GEMIN5: variants seen among roughly 807,000 people sequenced by gnomAD.
GEMIN5 encodes the protein gem-associated protein 5.
GEMIN5 carries 124 observed loss-of-function variants against 176.9 expected under a neutral mutation model. That is an observed-to-expected ratio of 0.70 (90% CI 0.61 to 0.81). The LOEUF (loss-of-function observed/expected upper bound fraction) is 0.81, where lower values mean the gene tolerates loss of function less well. Ranked by LOEUF, GEMIN5 falls within the 40% of genes least tolerant of loss-of-function variation. The pLI is 0.00. For synonymous variants in GEMIN5, 673 were observed against 665.2 expected (o/e 1.01, Z -0.18); for missense variants, 1,843 against 1,814.6 (o/e 1.02, Z -0.28).
chr5:154,906,622 G>A (rs756675507), intron 16 of GEMIN5, among the ~76,000 whole-genome samples: 3 of 152,108 alleles, frequency 2.0e-5, no homozygotes, highest in Non-Finnish European at 4.4e-5. Context: ...TGTTGCCCAG[G>A]CTGGCCTCAA....
chr5:154,903,017 T>C (rs1054795066), intron 19 of GEMIN5, 63 bp downstream of exon 19: 3 of 1,050,198 alleles, frequency 2.9e-6, no homozygotes, highest in Admixed American at 4.0e-5. Flanking sequence ...ATCAAAGAGG[T>C]GCACACAAAA....
intron 22 of GEMIN5, 31 bp from the exon 23 acceptor site, chr5:154,898,681 GTC>G: frequency 6.8e-7 from 1 of 1,475,344 alleles, no homozygotes; most frequent in Non-Finnish European, 9.5e-7. Context: ...TGAAGAAAAT[GTC>G]ACAAACAGAT....
In GEMIN5 at chr5:154,920,110, G is replaced by A; in HGVS notation, c.1463-7C>T. 1 of 1,603,942 alleles carries A rather than the reference G, an allele frequency of 6.2e-7. No homozygotes were observed. Among genetic ancestry groups the A allele is most frequent in the South Asian group, 1.1e-5 (1 of 89,130 alleles). On this transcript the variant is annotated splice_region_variant and splice_polypyrimidine_tract_variant and intron_variant, in intron 10 of 27. Transcript: ENST00000285873. ...GGTCTGTCTCCTTCTCCTCCTGTAT[G>A]AAATAAGAAAAGAAACTTATCAGTT...
Position 154,891,688 on chromosome 5 carries a change from G to A in GEMIN5, c.3815C>T (p.Ala1272Val), listed in dbSNP as rs1763231166. 1.2e-6 allele frequency: 2 copies of A among 1,611,184 alleles called. No individual in the cohort carries two copies. ...LGDHQSPATP[A>V]FKSLEAFFLY... The stretch of plus-strand genomic sequence containing the variant: ...AAAAAAGGCCTCCAAACTTTTGAAA[G>A]CTGGTGTGGCAGGGGATTGATGGTC... Residue 1272 changes from alanine to valine, a missense_variant, in exon 26 of 28, where the codon GCT becomes GTT. Transcript: ENST00000285873.
chr5:154,927,300 G>C (rs1764061654), intron 7 of GEMIN5, 85 bp downstream of exon 7: 1 of 789,914 alleles, frequency 1.3e-6, no homozygotes, highest in African/African-American at 1.7e-5. Context: ...ATTACGACTT[G>C]ACAGGTGCTT....
chr5:154,924,597 G>A, intron 8 of GEMIN5, 43 bp from the exon 9 acceptor site: 1 of 1,204,174 alleles, frequency 8.3e-7, no homozygotes, highest in Middle Eastern at 1.9e-4. Context: ...AAGAAGTGGG[G>A]CATATAGTTA....
At chr5:154,891,763 T>G in intron 25 of GEMIN5, 21 bp from the exon 26 acceptor site, 1 of 1,553,564 alleles carries the variant, frequency 6.4e-7, no homozygotes, top group East Asian at 2.2e-5. Context: ...AGGAAAAAGA[T>G]ACTGGGTCAT....
chr5:154,938,064 G>C lies in GEMIN5; in HGVS notation c.70C>G (p.Pro24Ala). 1.3e-6 allele frequency: 2 copies of C among 1,526,392 alleles called. No homozygotes were observed. The highest frequency in any genetic ancestry group is 1.8e-6 in the Non-Finnish European group (2 of 1,140,812). 94.6% of individuals were successfully genotyped at this position (1,526,392 alleles called of 1,614,324 possible). A position where few individuals can be genotyped will look rare whatever the true frequency, so the allele number is the denominator to read the frequency against. ...WYCARCSDAVPGGLFGFAART... is the reference protein window; with the variant it reads ...WYCARCSDAVAGGLFGFAART... ...GCGGCGAAGCCAAAGAGGCCCCCGGGCACGGCATCGCTGCAGCGGGCGCAG... is the reference window on the plus strand; with the variant it reads ...GCGGCGAAGCCAAAGAGGCCCCCGGCCACGGCATCGCTGCAGCGGGCGCAG... The change falls in exon 1 of 28, where the codon CCC becomes GCC. Residue 24 changes from proline (P) to alanine (A), a missense_variant. Transcript: ENST00000285873.
chr5:154,912,983 C>A lies in GEMIN5; in HGVS notation c.1911G>T (p.Gly637=), dbSNP rs1451257500. ...TITEPYRTLS[G]HTAKITSVAW... is the part of the protein sequence containing the mutation. ...CCACACTGGTAATCTTGGCCGTATG[C>A]CCTGAGAGGGTCCGGTAGGGCTCTG... The change falls in exon 14 of 28, where the codon GGG becomes GGT. Residue 637 remains glycine, a synonymous_variant. Coordinates refer to ENST00000285873, the MANE Select transcript of GEMIN5 (RefSeq NM_015465.5). 9.9e-6 allele frequency: 16 copies of A among 1,613,708 alleles called. No individual in the cohort carries two copies. Among genetic ancestry groups the A allele is most frequent in the Non-Finnish European group, 1.4e-5 (16 of 1,179,750 alleles).
At chr5:154,937,867 C>G in intron 1 of GEMIN5, 101 bp downstream of exon 1, 1 of 1,077,900 alleles carries the variant, frequency 9.3e-7, no homozygotes, top group Non-Finnish European at 1.3e-6. Flanking sequence ...GCCTGGGCCT[C>G]AGTTTCCCTA....
At chr5:154,907,378 T>C (rs1582659692) in intron 16 of GEMIN5, among the ~76,000 whole-genome samples, 1 of 152,066 alleles carries the variant, frequency 6.6e-6, no homozygotes, top group East Asian at 1.9e-4. Flanking sequence ...TGTAGAACTT[T>C]ACTATTTCCA....
At chr5:154,911,614 C>T in intron 15 of GEMIN5, 113 bp downstream of exon 15, 2 of 854,486 alleles carry the variant, frequency 2.3e-6, no homozygotes, top group Admixed American at 2.5e-5. Context: ...GCTCAGACCC[C>T]TGCCCTACTG....
rs1196046696 is a variant in GEMIN5 at position 154,891,250 on chromosome 5, T to C, written c.4253A>G (p.Gln1418Arg). The C allele has an allele frequency of 2.5e-6, 4 of 1,613,000 alleles. No homozygotes were observed. Among genetic ancestry groups the C allele is most frequent in the Middle Eastern group, 1.7e-4 (1 of 6,060 alleles). Residue 1418 changes from glutamine to arginine, a missense_variant, in exon 26 of 28, where the codon CAG (glutamine) becomes CGG (arginine). Transcript: ENST00000285873. ...VEAEQPLCSS[Q>R]SQCKEEKNEP... ...TTGCCTCAGTACTTACCACTGGCTCTGAGAACTGCAGAGGGGCTGCTCTGC... is the reference window on the plus strand; with the variant it reads ...TTGCCTCAGTACTTACCACTGGCTCCGAGAACTGCAGAGGGGCTGCTCTGC...
At chr5:154,934,554 C>G (rs1764228458) in intron 3 of GEMIN5, among the ~76,000 whole-genome samples, 1 of 152,002 alleles carries the variant, frequency 6.6e-6, no homozygotes, top group African/African-American at 2.4e-5. Flanking sequence ...TCAGGTGATC[C>G]ACCCGCCTCG....
chr5:154,906,315 G>C (rs976542302), intron 16 of GEMIN5, among the ~76,000 whole-genome samples: 2 of 152,120 alleles, frequency 1.3e-5, no homozygotes, highest in Non-Finnish European at 1.5e-5. Context: ...CTTTGACTAA[G>C]GAAAAAGCTT....
At position 154,936,019 on chromosome 5, in the gene GEMIN5, T is replaced by C. The variant is rs1044764663; in HGVS notation, c.331A>G (p.Thr111Ala). ...VVTEHALHQH[T>A]ISTLHWSPRV... ...GGAGACCAATGTAATGTTGATATCG[T>C]ATGCTTTAAAACAAAACAAAAATTT... Residue 111 changes from threonine (T) to alanine (A), a missense_variant, in exon 3 of 28, where the codon ACG becomes GCG. Physicochemically the swap from Thr to Ala is moderately conservative, Grantham distance 58 (BLOSUM62 0). Transcript: ENST00000285873. The C allele has an allele frequency of 6.3e-7, 1 of 1,581,786 alleles. No homozygotes were observed. Among genetic ancestry groups the C allele is most frequent in the Non-Finnish European group, 8.6e-7 (1 of 1,167,726 alleles).
chr5:154,919,655 A>G (rs576979274), intron 11 of GEMIN5, among the ~76,000 whole-genome samples: 2 of 152,344 alleles, frequency 1.3e-5, no homozygotes, highest in East Asian at 1.9e-4. Context: ...TGCTTTATAC[A>G]TAACACCTGA....
chr5:154,899,000 A>C (rs1258028013), intron 22 of GEMIN5, among the ~76,000 whole-genome samples, 191 bp downstream of exon 22: 2 of 152,204 alleles, frequency 1.3e-5, no homozygotes, highest in African/African-American at 2.4e-5. Flanking sequence ...GAATAGTTAT[A>C]GTGATTTATA....
At chr5:154,902,493 G>T in intron 20 of GEMIN5, 46 bp downstream of exon 20, 1 of 1,594,744 alleles carries the variant, frequency 6.3e-7, no homozygotes, top group Non-Finnish European at 8.6e-7. Context: ...GTATCCTAGA[G>T]ATGATAGAGC....
Sources: allele counts gnomAD v4.1 joint callset (sites outside exome capture counted in the v4.1 genomes callset), GRCh38; gene constraint gnomAD v4.1.1; transcripts MANE v1.5; gene names NCBI Gene and HGNC (gene_info 2026-07-23, HGNC 2026-07-21).